MYO6: variants seen among roughly 807,000 people sequenced by gnomAD.
The protein encoded by MYO6 is myosin VI, also known as unconventional myosin-VI.
Under a neutral mutation model 178.7 loss-of-function variants are expected in MYO6, and 74 were observed. The ratio of observed to expected loss-of-function variants is 0.41; its 90% CI spans 0.34 to 0.50. MYO6 has a LOEUF of 0.50. MYO6 is among the 20% of genes least tolerant of loss of function. The pLI is 0.09. For synonymous variants in MYO6, 477 were observed against 504.6 expected (o/e 0.95, Z 0.73); for missense variants, 1,330 against 1,547.4 (o/e 0.86, Z 2.36).
chr6:75,867,053 C>G lies in MYO6; in HGVS notation c.1892C>G (p.Thr631Ser). The part of the protein sequence containing the change: ...FESSTNNNKD[T>S]KQKAGKLSFI... Reference sequence around the variant, plus strand: ...TCATCCACAAATAACAACAAAGATACTAAACAAAAAGCAGGAAAACTTAGC... The same window carrying G: ...TCATCCACAAATAACAACAAAGATAGTAAACAAAAAGCAGGAAAACTTAGC... The change falls in exon 18 of 35, where the codon ACT becomes AGT. Residue 631 changes from threonine (T) to serine (S), a missense_variant. Around this residue, in one of 3 missense-constraint regions of MYO6, gnomAD observed 613 missense variants for 816.8 expected, o/e 0.75. Transcript: ENST00000369977. 1.2e-6 allele frequency: 2 copies of G among 1,613,672 alleles called. No individual in the cohort carries two copies. Among genetic ancestry groups the G allele is most frequent in the Non-Finnish European group, 1.7e-6 (2 of 1,179,802 alleles).
At chr6:75,826,511 A>T (rs1400338783) in intron 3 of MYO6, among the ~76,000 whole-genome samples, 3 of 152,160 alleles carry the variant, frequency 2.0e-5, no homozygotes, top group Non-Finnish European at 2.9e-5. Context: ...CAGTGACAAC[A>T]TCATGCAACC....
chr6:75,831,038 G>A (rs1212280719), intron 5 of MYO6, among the ~76,000 whole-genome samples: 1 of 152,162 alleles, frequency 6.6e-6, no homozygotes, highest in East Asian at 1.9e-4. Context: ...AGGATTAAAA[G>A]TAGTATATGC....
chr6:75,844,826 G>A, intron 9 of MYO6, 71 bp from the exon 10 acceptor site: 1 of 1,248,800 alleles, frequency 8.0e-7, no homozygotes, highest in South Asian at 1.2e-5. Flanking sequence ...TATTTGGTAA[G>A]TTGTGTTTTC....
chr6:75,814,951 A>T lies in MYO6; in HGVS notation c.-47-2550A>T, dbSNP rs148403262. 8.5e-5 allele frequency among the ~76,000 whole-genome samples: 13 copies of T among 152,204 alleles called. No homozygotes were observed. In the East Asian group the frequency reaches 1.9e-3, roughly 23 times the overall value. ...AACTGTGTGAACAATTCATTCATTT[A>T]CCAGTGAATATTGAGTTGCTTACTG... On this transcript the variant is annotated intron_variant, in intron 1 of 34. Coordinates refer to ENST00000369977, the MANE Select transcript of MYO6 (RefSeq NM_004999.4).
At chr6:75,763,965 C>T (rs1004215376) in intron 1 of MYO6, among the ~76,000 whole-genome samples, 1 of 152,208 alleles carries the variant, frequency 6.6e-6, no homozygotes, top group Non-Finnish European at 1.5e-5. Context: ...TCCCTAAACA[C>T]TCAACAGTGA....
intron 6 of MYO6, among the ~76,000 whole-genome samples, chr6:75,834,306 C>G (rs533030722): frequency 6.6e-6 from 1 of 152,138 alleles, no homozygotes; most frequent in African/African-American, 2.4e-5. Flanking sequence ...AATCATAGCT[C>G]ACTGCATCCT....
chr6:75,809,928 G>A (rs1162833840), intron 1 of MYO6, among the ~76,000 whole-genome samples: 19 of 139,306 alleles, frequency 1.4e-4, no homozygotes, highest in African/African-American at 5.0e-4. Context: ...AAAAAAAAAA[G>A]CAAAAATTAG....
chr6:75,834,338 T>TCCTCCTACCTA (rs1773428591), intron 6 of MYO6, among the ~76,000 whole-genome samples: 1 of 152,076 alleles, frequency 6.6e-6, no homozygotes, highest in Admixed American at 6.6e-5. Context: ...GGCCAAGTGA[T>TCCTCCTACCTA]CCTCCTACCT....
intron 9 of MYO6, 62 bp downstream of exon 9, chr6:75,841,440 A>G (rs949934710): frequency 2.0e-5 from 30 of 1,508,644 alleles, no homozygotes; most frequent in Admixed American, 1.0e-4. Context: ...TGTAATCCCA[A>G]CACTTTGGGA....
chr6:75,850,709 C>G (rs564503919), intron 11 of MYO6, among the ~76,000 whole-genome samples: 1 of 152,172 alleles, frequency 6.6e-6, no homozygotes, highest in African/African-American at 2.4e-5. Context: ...GGGAACTTAG[C>G]CTTTTCGTGT....
At chr6:75,750,373 G>A (rs1776765714) in intron 1 of MYO6, among the ~76,000 whole-genome samples, 2 of 151,966 alleles carry the variant, frequency 1.3e-5, no homozygotes, top group Admixed American at 1.3e-4. Context: ...GGGATTACAG[G>A]CGTGAGCCAC....
chr6:75,889,553 G>T lies in MYO6; in HGVS notation c.2659-504G>T, dbSNP rs569398561. Among the ~76,000 whole-genome samples, 36 of 152,224 alleles carry T rather than the reference G, an allele frequency of 2.4e-4. 1 individual carries two copies. The highest frequency in any genetic ancestry group is 1.9e-3 in the Admixed American group (29 of 15,292). On this transcript the variant is annotated intron_variant, in intron 25 of 34. Coordinates refer to ENST00000369977, the MANE Select transcript of MYO6 (RefSeq NM_004999.4). The stretch of plus-strand genomic sequence containing the variant: ...CTCCCGAGTAGCTGGGACTACAGGT[G>T]TGTACCACCATGCCCAGCTAATTTT...
At chr6:75,897,396 C>T (rs1779386991) in intron 29 of MYO6, among the ~76,000 whole-genome samples, 1 of 152,176 alleles carries the variant, frequency 6.6e-6, no homozygotes, top group South Asian at 2.1e-4. Flanking sequence ...CCTTCACTGT[C>T]AGCTTTGAAA....
At chr6:75,889,808 T>C (rs1778761186) in intron 25 of MYO6, among the ~76,000 whole-genome samples, 1 of 152,224 alleles carries the variant, frequency 6.6e-6, no homozygotes, top group Admixed American at 6.5e-5. Flanking sequence ...ATAAAACATT[T>C]TTTGAATAGT....
chr6:75,861,504 G>A (rs1776211844), intron 15 of MYO6, among the ~76,000 whole-genome samples: 3 of 152,114 alleles, frequency 2.0e-5, no homozygotes, highest in African/African-American at 7.2e-5. Context: ...TGCATTGACA[G>A]CATCCTCTAA....
intron 1 of MYO6, among the ~76,000 whole-genome samples, chr6:75,806,324 G>A (rs896403500): frequency 1.3e-5 from 2 of 151,358 alleles, no homozygotes; most frequent in Non-Finnish European, 2.9e-5. Flanking sequence ...GGAGGCAGAG[G>A]TTGCAGTGAG....
At chr6:75,830,850 C>A (rs1773006582) in intron 5 of MYO6, among the ~76,000 whole-genome samples, 1 of 152,082 alleles carries the variant, frequency 6.6e-6, no homozygotes, top group African/African-American at 2.4e-5. Flanking sequence ...CCTAATGGTA[C>A]TTTTAGACTT....
At chr6:75,770,996 T>C (rs1001768546) in intron 1 of MYO6, among the ~76,000 whole-genome samples, 4 of 151,986 alleles carry the variant, frequency 2.6e-5, no homozygotes, top group Admixed American at 2.6e-4. Flanking sequence ...CAGCACTTTT[T>C]TTTTTCTTTT....
intron 23 of MYO6, among the ~76,000 whole-genome samples, chr6:75,882,153 C>T (rs1243820171): frequency 6.6e-6 from 1 of 152,142 alleles, no homozygotes; most frequent in Non-Finnish European, 1.5e-5. Flanking sequence ...ATGGCATCTA[C>T]AATACACATA....
Sources: allele counts gnomAD v4.1 joint callset (sites outside exome capture counted in the v4.1 genomes callset), GRCh38; gene constraint gnomAD v4.1.1; regional missense constraint gnomAD v4.1.1; transcripts MANE v1.5; gene names NCBI Gene and HGNC (gene_info 2026-07-23, HGNC 2026-07-21).